SDC1: variants seen among roughly 807,000 people sequenced by gnomAD.
SDC1 encodes the protein syndecan 1.
A neutral mutation model predicts 29.7 loss-of-function variants in SDC1; 14 were observed. The observed-to-expected ratio is 0.47, with a 90% CI of 0.31 to 0.74. SDC1 has a LOEUF of 0.74. Among genes scored for constraint, SDC1 ranks in the 30% least tolerant of loss-of-function variants. SDC1 has a pLI of 0.05. For synonymous variants in SDC1, 204 were observed against 175.5 expected (o/e 1.16, Z -1.29); for missense variants, 406 against 400.3 (o/e 1.01, Z -0.12).
At chr2:20,223,585 C>A (rs1171569199) in intron 1 of SDC1, among the ~76,000 whole-genome samples, 1 of 152,104 alleles carries the variant, frequency 6.6e-6, no homozygotes, top group Non-Finnish European at 1.5e-5. Flanking sequence ...GACCCCGGGA[C>A]GCCAGCACCG....
chr2:20,205,199 GC>G, intron 2 of SDC1, 143 bp downstream of exon 2: 1 of 708,236 alleles, frequency 1.4e-6, no homozygotes, highest in Non-Finnish European at 2.5e-6. Flanking sequence ...CCTCAGCATT[GC>G]CCTTTGGAGC....
chr2:20,218,001 T>C (rs1428420951), intron 1 of SDC1, among the ~76,000 whole-genome samples: 1 of 152,126 alleles, frequency 6.6e-6, no homozygotes, highest in Non-Finnish European at 1.5e-5. Context: ...ATCCCACCGA[T>C]GACCCCTTGG....
chr2:20,218,958 G>C (rs1677724841), intron 1 of SDC1, among the ~76,000 whole-genome samples: 4 of 152,312 alleles, frequency 2.6e-5, no homozygotes, highest in African/African-American at 9.6e-5. Flanking sequence ...CAGCCACGAA[G>C]CCATAAAAGC....
intron 1 of SDC1, chr2:20,208,110 A>G (rs1394721833): frequency 1.0e-6 from 1 of 985,322 alleles, no homozygotes; most frequent in African/African-American, 1.7e-5. Context: ...CATTGGATCC[A>G]TGCTCCATTC....
chr2:20,221,837 C>A (rs1336284613), intron 1 of SDC1, among the ~76,000 whole-genome samples: 1 of 152,118 alleles, frequency 6.6e-6, no homozygotes, highest in Non-Finnish European at 1.5e-5. Context: ...ACCGCTCCAC[C>A]CTCCCTGTAG....
chr2:20,212,314 C>T (rs1677489766), intron 1 of SDC1, among the ~76,000 whole-genome samples: 1 of 152,236 alleles, frequency 6.6e-6, no homozygotes, highest in African/African-American at 2.4e-5. Context: ...CTCAGGTTGT[C>T]CATCTGTACA....
chr2:20,217,029 G>A (rs1677647894), intron 1 of SDC1, among the ~76,000 whole-genome samples: 1 of 152,196 alleles, frequency 6.6e-6, no homozygotes, highest in South Asian at 2.1e-4. Flanking sequence ...GAGCAGGACT[G>A]GCAGCCTTTG....
chr2:20,210,117 G>A (rs543881813), intron 1 of SDC1, among the ~76,000 whole-genome samples: 3 of 152,342 alleles, frequency 2.0e-5, no homozygotes, highest in Non-Finnish European at 4.4e-5. Flanking sequence ...CGAGGTAGGC[G>A]GATCACCTGA....
chr2:20,207,937 G>A, intron 1 of SDC1: 2 of 985,194 alleles, frequency 2.0e-6, no homozygotes, highest in Non-Finnish European at 2.4e-6. Context: ...TGGGATCATG[G>A]CTTCACTCTC....
intron 1 of SDC1, among the ~76,000 whole-genome samples, chr2:20,218,063 AG>A (rs1207283578): frequency 6.6e-6 from 1 of 152,154 alleles, no homozygotes; most frequent in Non-Finnish European, 1.5e-5. Flanking sequence ...GAGAAATGTG[AG>A]CCCCCAACAA....
chr2:20,216,529 C>T (rs1677631115), intron 1 of SDC1, among the ~76,000 whole-genome samples: 1 of 152,194 alleles, frequency 6.6e-6, no homozygotes, highest in Non-Finnish European at 1.5e-5. Context: ...TCGCCTGGAA[C>T]ACTACAGATA....
chr2:20,222,712 C>T (rs1186194447), intron 1 of SDC1, among the ~76,000 whole-genome samples: 1 of 152,170 alleles, frequency 6.6e-6, no homozygotes, highest in Non-Finnish European at 1.5e-5. Flanking sequence ...CCCCAGCCCA[C>T]AGAAAACTCC....
Position 20,203,204 on chromosome 2 carries a change from A to G in SDC1, c.646T>C (p.Ser216Pro). The G allele has an allele frequency of 6.2e-7, 1 of 1,608,032 alleles. No homozygotes were observed. The highest frequency in any genetic ancestry group is 8.5e-7 in the Non-Finnish European group (1 of 1,175,894). Residue 216 changes from serine (S) to proline (P), a missense_variant, in exon 4 of 5, where the codon TCG becomes CCG. Coordinates refer to ENST00000254351, the MANE Select transcript of SDC1 (RefSeq NM_002997.5). ...SGEQDFTFET[S>P]GENTAVVAVE... is the part of the protein sequence containing the mutation. The stretch of plus-strand genomic sequence containing the variant: ...GCCACTACAGCCGTATTCTCCCCCG[A>G]GGTTTCAAAGGTGAAGTCCTGTGGG...
chr2:20,214,236 G>A (rs1368658005), intron 1 of SDC1, among the ~76,000 whole-genome samples: 4 of 152,192 alleles, frequency 2.6e-5, no homozygotes, highest in African/African-American at 9.6e-5. Flanking sequence ...AGATGTACAC[G>A]GTTTCTCCTC....
In SDC1 at chr2:20,202,923, C is replaced by T. The variant is rs17856265; in HGVS notation, c.776G>A (p.Gly259Glu). Residue 259 changes from glycine (G) to glutamate (E), a missense_variant, in exon 5 of 5, where the codon GGA (glycine) becomes GAA (glutamate). Gly to Glu is a moderately conservative substitution (Grantham distance 98). Transcript: ENST00000254351. ...AGCAAAGATGAGCCCCACGAGGCCT[C>T]CGGCAATGACCCCTAGGGCAGGTAG... is the stretch of plus-strand genomic sequence containing the variant. ...RKEVLGGVIAGGLVGLIFAVC... is the reference protein window; with the variant it reads ...RKEVLGGVIAEGLVGLIFAVC... 6.2e-7 allele frequency: 1 copy of T among 1,611,414 alleles called. No homozygotes were observed. Among genetic ancestry groups the T allele is most frequent in the East Asian group, 2.2e-5 (1 of 44,800 alleles).
intron 4 of SDC1, 29 bp from the exon 5 acceptor site, chr2:20,202,964 C>T: frequency 6.3e-7 from 1 of 1,589,316 alleles, no homozygotes; most frequent in Non-Finnish European, 8.6e-7. Flanking sequence ...GCCAGCTCAG[C>T]TCAGCGGCTC....
At chr2:20,213,581 G>C (rs746826525) in intron 1 of SDC1, among the ~76,000 whole-genome samples, 8 of 152,302 alleles carry the variant, frequency 5.3e-5, no homozygotes, top group Non-Finnish European at 7.4e-5. Flanking sequence ...GGGACAGAGG[G>C]GGCAGCCAAG....
chr2:20,223,234 G>A, intron 1 of SDC1: 1 of 1,301,610 alleles, frequency 7.7e-7, no homozygotes. Context: ...TTACACATCG[G>A]TCTCAGAAAC....
intron 4 of SDC1, 54 bp downstream of exon 4, chr2:20,203,033 C>A: frequency 6.4e-7 from 1 of 1,571,618 alleles, no homozygotes; most frequent in Non-Finnish European, 8.7e-7. Context: ...TCAGCCCCAC[C>A]CTGACCCCAC....
Sources: allele counts gnomAD v4.1 joint callset (sites outside exome capture counted in the v4.1 genomes callset), GRCh38; gene constraint gnomAD v4.1.1; transcripts MANE v1.5; gene names NCBI Gene and HGNC (gene_info 2026-07-23, HGNC 2026-07-21).